NRXN1: variants seen among roughly 807,000 people sequenced by gnomAD.
NRXN1 encodes the protein neurexin 1, also known as neurexin-1.
A neutral mutation model predicts 150.9 loss-of-function variants in NRXN1; 39 were observed. The observed-to-expected ratio is 0.26, with a 90% CI of 0.20 to 0.34. The LOEUF is 0.34. NRXN1 is among the 10% of genes least tolerant of loss of function. NRXN1 has a pLI of 1.00. For synonymous variants in NRXN1, 924 were observed against 757.0 expected (o/e 1.22, Z -3.62); for missense variants, 1,815 against 1,949.9 (o/e 0.93, Z 1.30).
intron 17 of NRXN1, among the ~76,000 whole-genome samples, chr2:50,376,868 G>A (rs1400752983): frequency 1.3e-5 from 2 of 152,000 alleles, no homozygotes; most frequent in African/African-American, 4.8e-5. Context: ...TTAGAAAGAG[G>A]AACCGGTTCT....
At chr2:50,632,064 G>A (rs1682425299) in intron 5 of NRXN1, among the ~76,000 whole-genome samples, 1 of 151,924 alleles carries the variant, frequency 6.6e-6, no homozygotes, top group South Asian at 2.1e-4. Context: ...TCAAGGAGAT[G>A]TATAGGTATT....
intron 5 of NRXN1, among the ~76,000 whole-genome samples, chr2:50,702,150 T>G (rs1290072382): frequency 6.6e-6 from 1 of 152,096 alleles, no homozygotes; most frequent in Non-Finnish European, 1.5e-5. Context: ...TTATTAGATA[T>G]TCTTAGAAAT....
intron 8 of NRXN1, among the ~76,000 whole-genome samples, chr2:50,606,584 G>A (rs1414130598): frequency 1.3e-5 from 2 of 149,010 alleles, no homozygotes; most frequent in African/African-American, 2.5e-5. Context: ...TAAGTGGGTA[G>A]ATCCTATGTG....
intron 19 of NRXN1, among the ~76,000 whole-genome samples, chr2:50,083,620 C>T (rs1698307047): frequency 6.6e-6 from 1 of 152,136 alleles, no homozygotes; most frequent in African/African-American, 2.4e-5. Flanking sequence ...AGGGCTGGCT[C>T]GGGCAGCCTG....
intron 2 of NRXN1, among the ~76,000 whole-genome samples, chr2:50,951,961 A>G (rs28689574): frequency 1.2e-5 from 1 of 82,664 alleles, no homozygotes; most frequent in Non-Finnish European, 2.1e-5. Context: ...ATATATATAT[A>G]TATTTTTTTT....
chr2:50,145,611 C>G (rs1391719426), intron 18 of NRXN1, among the ~76,000 whole-genome samples: 1 of 151,562 alleles, frequency 6.6e-6, no homozygotes, highest in Non-Finnish European at 1.5e-5. Context: ...GGAAGAGATT[C>G]CTTATTTTTT....
chr2:50,461,370 G>A (rs2088190030), intron 17 of NRXN1, among the ~76,000 whole-genome samples: 1 of 151,884 alleles, frequency 6.6e-6, no homozygotes, highest in Non-Finnish European at 1.5e-5. Flanking sequence ...CACTGTTGAA[G>A]CTGAACTGTA....
At chr2:50,004,262 G>C (rs1435689232) in intron 21 of NRXN1, among the ~76,000 whole-genome samples, 1 of 152,004 alleles carries the variant, frequency 6.6e-6, no homozygotes, top group African/African-American at 2.4e-5. Context: ...AGTAAGGAAA[G>C]ACTCATTTAT....
At chr2:50,463,871 T>C (rs1448505491) in intron 17 of NRXN1, 1 of 151,622 alleles carries the variant, frequency 6.6e-6, no homozygotes, top group Non-Finnish European at 1.5e-5. Context: ...AACTACCACA[T>C]GTAGTCATAC....
intron 17 of NRXN1, among the ~76,000 whole-genome samples, chr2:50,450,374 A>G (rs1365115949): frequency 6.6e-6 from 1 of 152,004 alleles, no homozygotes; most frequent in Non-Finnish European, 1.5e-5. Context: ...ATAAATATAT[A>G]CTGAGTATAT....
intron 15 of NRXN1, among the ~76,000 whole-genome samples, chr2:50,486,104 A>T (rs147725631): frequency 1.3e-5 from 2 of 152,204 alleles, no homozygotes; most frequent in Non-Finnish European, 2.9e-5. Flanking sequence ...ACCTTAACAC[A>T]ATACATTTTA....
At chr2:50,402,463 G>C (rs1390090353) in intron 17 of NRXN1, among the ~76,000 whole-genome samples, 1 of 151,964 alleles carries the variant, frequency 6.6e-6, no homozygotes, top group African/African-American at 2.4e-5. Context: ...AGGTGAAAAC[G>C]GAATAAATAG....
chr2:50,779,431 T>G (rs755524909), intron 5 of NRXN1, among the ~76,000 whole-genome samples: 1 of 152,160 alleles, frequency 6.6e-6, no homozygotes, highest in Non-Finnish European at 1.5e-5. Context: ...TGATGGGCAT[T>G]TGGGTTGGTT....
At chr2:50,219,943 TTA>T (rs1375691467) in intron 18 of NRXN1, among the ~76,000 whole-genome samples, 19 of 75,500 alleles carry the variant, frequency 2.5e-4, no homozygotes, top group South Asian at 3.2e-4. Flanking sequence ...ATATTATATA[TTA>T]TATATATAAT....
At chr2:50,210,714 C>A (rs17508170) in intron 18 of NRXN1, among the ~76,000 whole-genome samples, 18,933 of 151,390 alleles carry the variant, frequency 0.13, 1,294 homozygotes, top group South Asian at 0.16. Flanking sequence ...AAAACCCTTT[C>A]TGCTGAATAC....
intron 5 of NRXN1, among the ~76,000 whole-genome samples, chr2:50,703,103 T>C (rs1693981213): frequency 6.6e-6 from 1 of 152,146 alleles, no homozygotes; most frequent in Non-Finnish European, 1.5e-5. Context: ...GTATTGCTCA[T>C]TTCATTTAAT....
chr2:50,627,352 C>A (rs1681296991), intron 5 of NRXN1, among the ~76,000 whole-genome samples: 2 of 91,802 alleles, frequency 2.2e-5, no homozygotes, highest in African/African-American at 9.1e-5. Flanking sequence ...GGTTCTGGTT[C>A]ATGTATGTGT....
At position 50,605,424 on chromosome 2, in the gene NRXN1, G is replaced by C. The variant is rs373867405; in HGVS notation, c.1320+14598C>G. The stretch of plus-strand genomic sequence containing the variant: ...GGAGGAGTTGCCCTATTCTCCAGTA[G>C]AAACTCAATAGCAATGACAACAATA... On this transcript the variant is annotated intron_variant, in intron 8 of 22. Transcript: ENST00000401669. 5.3e-5 allele frequency among the ~76,000 whole-genome samples: 8 copies of C among 152,116 alleles called. No homozygotes were observed. The East Asian group carries it at 1.2e-3, about 22-fold the overall frequency.
chr2:50,192,542 A>T (rs1484940448), intron 18 of NRXN1, among the ~76,000 whole-genome samples: 1 of 151,468 alleles, frequency 6.6e-6, no homozygotes, highest in Admixed American at 6.6e-5. Context: ...TAATATAATT[A>T]TATTTTTGTA....
Sources: gnomAD v4.1 joint callset for allele counts (sites outside exome capture counted in the v4.1 genomes callset) on GRCh38, gnomAD v4.1.1 for gene constraint, MANE v1.5 for transcripts, NCBI Gene and HGNC (gene_info 2026-07-23, HGNC 2026-07-21) for gene names.